The following FBXO11 variants were observed in gnomAD, a reference collection of about 807,000 sequenced individuals.
FBXO11 encodes F-box protein 11.
In FBXO11, 13 loss-of-function variants were observed where a neutral mutation model predicts 117.0. That is an observed-to-expected ratio of 0.11 (90% CI 0.07 to 0.18). The LOEUF (loss-of-function observed/expected upper bound fraction) is 0.18, where lower values mean the gene tolerates loss of function less well. Ranked by LOEUF, FBXO11 falls within the 10% of genes least tolerant of loss-of-function variation. The pLI, the probability that FBXO11 is intolerant of heterozygous loss-of-function variation, is 1.00. For synonymous variants in FBXO11, 490 were observed against 380.5 expected (o/e 1.29, Z -3.35); for missense variants, 767 against 1,164.4 (o/e 0.66, Z 4.97).
intron 16 of FBXO11, 147 bp from the exon 17 acceptor site, chr2:47,814,014 G>A: frequency 1.6e-6 from 1 of 608,284 alleles, no homozygotes; most frequent in Non-Finnish European, 2.9e-6. Context: ...TGAGAAGAAA[G>A]TGGTTTAATT....
Position 47,823,333 on chromosome 2 carries a change from T to C in FBXO11, c.1426A>G (p.Arg476Gly). 1.2e-6 allele frequency: 2 copies of C among 1,611,434 alleles called. No individual in the cohort carries two copies. The highest frequency in any genetic ancestry group is 1.7e-6 in the Non-Finnish European group (2 of 1,178,706). Reference sequence around the variant, plus strand: ...ACTTCAAAGCCTGCTATCCTATTTCTGTGTATATTGCAACTTTCAAAGTAA... The same window carrying C: ...ACTTCAAAGCCTGCTATCCTATTTCCGTGTATATTGCAACTTTCAAAGTAA... ...MGYFESCNIH[R>G]NRIAGFEVKA... is the part of the protein sequence containing the mutation. Residue 476 changes from arginine (R) to glycine (G), a missense_variant, in exon 12 of 23, where the codon AGA becomes GGA. By Grantham distance (125) the Arg-to-Gly change is moderately radical. Transcript: ENST00000403359.
At chr2:47,818,612 A>T (rs1671169211) in intron 16 of FBXO11, 167 bp downstream of exon 16, 1 of 609,652 alleles carries the variant, frequency 1.6e-6, no homozygotes, top group East Asian at 2.8e-5. Flanking sequence ...CACCTAGACC[A>T]AGGAAAGCTA....
intron 1 of FBXO11, among the ~76,000 whole-genome samples, chr2:47,900,691 C>T (rs1163479804): frequency 8.1e-6 from 1 of 122,944 alleles, no homozygotes; most frequent in African/African-American, 3.7e-5. Context: ...TATACACACA[C>T]GTATACACAC....
At chr2:47,810,732 T>C (rs377586071) in intron 18 of FBXO11, 9 of 227,482 alleles carry the variant, frequency 4.0e-5, no homozygotes, top group African/African-American at 1.8e-4. Flanking sequence ...TCAATGAGTA[T>C]TGCTGAATTA....
chr2:47,815,896 C>A (rs1432191964), intron 16 of FBXO11, among the ~76,000 whole-genome samples: 1 of 152,196 alleles, frequency 6.6e-6, no homozygotes, highest in Non-Finnish European at 1.5e-5. Flanking sequence ...CAGAATGAAA[C>A]TGGCGCACTT....
At chr2:47,866,621 G>A (rs768056674) in intron 1 of FBXO11, among the ~76,000 whole-genome samples, 1 of 151,808 alleles carries the variant, frequency 6.6e-6, no homozygotes, top group East Asian at 1.9e-4. Flanking sequence ...TTACAGGCGC[G>A]CACCACCATG....
At chr2:47,885,018 T>C (rs1676714867) in intron 1 of FBXO11, among the ~76,000 whole-genome samples, 1 of 152,182 alleles carries the variant, frequency 6.6e-6, no homozygotes, top group Non-Finnish European at 1.5e-5. Context: ...CAAACAGTAT[T>C]ATAAAGAAAG....
At chr2:47,886,461 G>A (rs1000629095) in intron 1 of FBXO11, among the ~76,000 whole-genome samples, 199 of 149,308 alleles carry the variant, frequency 1.3e-3, no homozygotes, top group African/African-American at 4.9e-3. Context: ...AGCTGAGATC[G>A]CGCCACTGCA....
intron 11 of FBXO11, among the ~76,000 whole-genome samples, chr2:47,825,073 TCAA>T (rs1402915085): frequency 9.2e-5 from 14 of 151,824 alleles, no homozygotes; most frequent in African/African-American, 3.4e-4. Context: ...CAGTAAGTAC[TCAA>T]ACAGGATTTG....
chr2:47,891,225 A>C (rs1466000518), intron 1 of FBXO11, among the ~76,000 whole-genome samples: 2 of 152,144 alleles, frequency 1.3e-5, no homozygotes, highest in Non-Finnish European at 2.9e-5. Context: ...TGTATGGCGG[A>C]ACTTATTCAT....
At chr2:47,845,923 C>A (rs1430092678) in intron 1 of FBXO11, among the ~76,000 whole-genome samples, 1 of 151,578 alleles carries the variant, frequency 6.6e-6, no homozygotes, top group African/African-American at 2.4e-5. Flanking sequence ...GCCTTAACTT[C>A]CTTCCAACAT....
intron 18 of FBXO11, among the ~76,000 whole-genome samples, chr2:47,812,659 A>G (rs1298173179): frequency 6.6e-6 from 1 of 152,222 alleles, no homozygotes; most frequent in African/African-American, 2.4e-5. Context: ...ATGTTGGGTT[A>G]TTGACATTTC....
intron 1 of FBXO11, among the ~76,000 whole-genome samples, chr2:47,895,176 GAAAAAAATGC>G (rs1476867681): frequency 6.6e-6 from 1 of 151,800 alleles, no homozygotes; most frequent in Non-Finnish European, 1.5e-5. Flanking sequence ...CATATGCAAA[GAAAAAAATGC>G]AGAAAAATAA....
intron 11 of FBXO11, among the ~76,000 whole-genome samples, chr2:47,825,987 T>C: frequency 6.6e-6 from 1 of 152,184 alleles, no homozygotes; most frequent in Non-Finnish European, 1.5e-5. Flanking sequence ...AGTATTCAAA[T>C]GCAAGGGATA....
intron 1 of FBXO11, among the ~76,000 whole-genome samples, chr2:47,878,987 G>T (rs1252320072): frequency 7.0e-6 from 1 of 143,152 alleles, no homozygotes; most frequent in Non-Finnish European, 1.6e-5. Flanking sequence ...AAACAAAAAA[G>T]CCTCCCTCCC....
intron 1 of FBXO11, among the ~76,000 whole-genome samples, chr2:47,901,168 T>C (rs1572935114): frequency 7.0e-6 from 1 of 142,666 alleles, no homozygotes; most frequent in Admixed American, 7.1e-5. Context: ...TATACATATA[T>C]ATGTATATAT....
chr2:47,816,604 T>G (rs1449329236), intron 16 of FBXO11, among the ~76,000 whole-genome samples: 1 of 152,162 alleles, frequency 6.6e-6, no homozygotes, highest in Non-Finnish European at 1.5e-5. Context: ...CTAAAAAGTA[T>G]TTCTTACATA....
At chr2:47,830,491 A>G (rs1166374179) in intron 11 of FBXO11, among the ~76,000 whole-genome samples, 1 of 152,244 alleles carries the variant, frequency 6.6e-6, no homozygotes. Context: ...TGATAAATAA[A>G]TAAAGAATAA....
At chr2:47,833,608 A>G (rs1211892984) in intron 7 of FBXO11, among the ~76,000 whole-genome samples, 1 of 152,224 alleles carries the variant, frequency 6.6e-6, no homozygotes, top group Admixed American at 6.5e-5. Context: ...CTCAAAATAA[A>G]AAAACCACAA....
Sources: allele counts gnomAD v4.1 joint callset (sites outside exome capture counted in the v4.1 genomes callset), GRCh38; gene constraint gnomAD v4.1.1; transcripts MANE v1.5; gene names NCBI Gene and HGNC (gene_info 2026-07-23, HGNC 2026-07-21).